Variants in ATP11A observed in about 807,000 individuals in gnomAD.
ATP11A encodes ATPase phospholipid transporting 11A, also known as phospholipid-transporting ATPase IH.
A neutral mutation model predicts 154.4 loss-of-function variants in ATP11A; 81 were observed. The ratio of observed to expected loss-of-function variants is 0.52; its 90% CI spans 0.44 to 0.63. The LOEUF is 0.63. Ranked by LOEUF, ATP11A falls within the 30% of genes least tolerant of loss-of-function variation. ATP11A has a pLI of 0.00. For missense variants in ATP11A, 1,316 were observed against 1,474.3 expected, an observed-to-expected ratio of 0.89 and a Z score of 1.76; for synonymous variants, 623 against 585.9, an observed-to-expected ratio of 1.06 and a Z score of -0.91.
At chr13:112,748,414 G>GGA (rs1230287866) in intron 1 of ATP11A, among the ~76,000 whole-genome samples, 1 of 151,976 alleles carries the variant, frequency 6.6e-6, no homozygotes, top group Non-Finnish European at 1.5e-5. Flanking sequence ...TGTGCAGGCT[G>GGA]GAGAGCAATA....
Position 112,729,260 on chromosome 13 carries a change from C to T in ATP11A, c.39+38805C>T, listed in dbSNP as rs112906212. ...AGCCTGACCTTATGACAGGCCACCT[C>T]GTTAACGATTGGATGTTGTTTTTAT... On this transcript the variant is annotated intron_variant, in intron 1 of 29. Transcript: ENST00000375645. Among the ~76,000 whole-genome samples the T allele has an allele frequency of 4.7e-3, 716 of 152,310 alleles. 4 individuals carry two copies. The highest frequency in any genetic ancestry group is 0.01 in the Middle Eastern group (3 of 294).
chr13:112,772,079 C>G (rs747209763), intron 1 of ATP11A, among the ~76,000 whole-genome samples: 1 of 152,154 alleles, frequency 6.6e-6, no homozygotes, highest in Non-Finnish European at 1.5e-5. Flanking sequence ...TGTGTCCTTA[C>G]CTGGTTGGAT....
At chr13:112,829,741 GGAA>G (rs2079038370) in intron 12 of ATP11A, among the ~76,000 whole-genome samples, 1 of 152,190 alleles carries the variant, frequency 6.6e-6, no homozygotes, top group Non-Finnish European at 1.5e-5. Flanking sequence ...GTATAGGAAA[GGAA>G]GAAGTGAAAT....
intron 1 of ATP11A, among the ~76,000 whole-genome samples, chr13:112,768,438 G>A (rs2077149204): frequency 1.3e-5 from 2 of 152,380 alleles, no homozygotes; most frequent in South Asian, 4.1e-4. Flanking sequence ...CGCATTCACA[G>A]ACTGTCGCCA....
intron 12 of ATP11A, among the ~76,000 whole-genome samples, chr13:112,827,121 TC>T (rs1456478736): frequency 1.1e-4 from 16 of 152,220 alleles, no homozygotes; most frequent in Admixed American, 2.0e-4. Flanking sequence ...CATTGGAGCT[TC>T]CTGGGCAGAA....
At chr13:112,743,790 G>A (rs765067667) in intron 1 of ATP11A, among the ~76,000 whole-genome samples, 5 of 152,370 alleles carry the variant, frequency 3.3e-5, no homozygotes, top group African/African-American at 4.8e-5. Context: ...AGGATTGGTT[G>A]TTTATTTCCT....
At chr13:112,740,617 A>G (rs953859202) in intron 1 of ATP11A, among the ~76,000 whole-genome samples, 1 of 152,220 alleles carries the variant, frequency 6.6e-6, no homozygotes, top group African/African-American at 2.4e-5. Context: ...GGCTCCAGAA[A>G]AAGACCTGCA....
At chr13:112,700,362 CT>C (rs1886372608) in intron 1 of ATP11A, among the ~76,000 whole-genome samples, 1 of 152,162 alleles carries the variant, frequency 6.6e-6, no homozygotes, top group Admixed American at 6.5e-5. Context: ...CAGGCGGGTC[CT>C]GCTCCAGAGA....
intron 12 of ATP11A, 112 bp from the exon 13 acceptor site, chr13:112,831,263 G>C: frequency 8.5e-7 from 1 of 1,178,844 alleles, no homozygotes; most frequent in African/African-American, 1.5e-5. Context: ...GAAATCCACC[G>C]CCTATTCAAG....
At chr13:112,795,684 G>T (rs1163631134) in intron 2 of ATP11A, among the ~76,000 whole-genome samples, 12 of 152,238 alleles carry the variant, frequency 7.9e-5, no homozygotes, top group Admixed American at 6.5e-4. Context: ...ATGCTGGAAA[G>T]TAAGACTGGC....
rs200537725 is a variant in ATP11A, at chr13:112,831,381, T to A, written c.1228T>A (p.Tyr410Asn). The A allele has an allele frequency of 5.6e-6, 9 of 1,613,304 alleles. No individual in the cohort carries two copies. The change falls in exon 13 of 30, where the codon TAC becomes AAC. Residue 410 changes from tyrosine to asparagine, a missense_variant. Around this residue, in one of 5 missense-constraint regions of ATP11A, gnomAD observed 876 missense variants for 1,006.8 expected, o/e 0.87. Coordinates refer to ENST00000375645, the MANE Select transcript of ATP11A (RefSeq NM_015205.3). ...DLNEELGQVE[Y>N]IFTDKTGTLT... ...TGCTGTGCCCTGCCCGCAGGTGGAG[T>A]ACATCTTCACAGACAAGACCGGCAC...
intron 1 of ATP11A, among the ~76,000 whole-genome samples, chr13:112,779,955 A>AAGT (rs2077458598): frequency 6.6e-6 from 1 of 152,128 alleles, no homozygotes; most frequent in African/African-American, 2.4e-5. Context: ...GGTAGTAAAG[A>AAGT]AAATCACTTG....
chr13:112,725,101 G>C (rs1889678952), intron 1 of ATP11A, among the ~76,000 whole-genome samples: 1 of 152,168 alleles, frequency 6.6e-6, no homozygotes, highest in African/African-American at 2.4e-5. Flanking sequence ...ATGCATACCT[G>C]GGGGAAGACT....
intron 18 of ATP11A, among the ~76,000 whole-genome samples, chr13:112,852,625 T>G (rs1002350660): frequency 6.6e-6 from 1 of 151,962 alleles, no homozygotes; most frequent in Non-Finnish European, 1.5e-5. Context: ...CGTAGGATGG[T>G]GTTTGCCTGG....
At chr13:112,880,748 G>A in intron 29 of ATP11A, 1 of 1,167,266 alleles carries the variant, frequency 8.6e-7, no homozygotes. Flanking sequence ...GATAACAAAG[G>A]TTCACGGTGA....
intron 2 of ATP11A, among the ~76,000 whole-genome samples, chr13:112,787,771 T>A (rs1489945153): frequency 6.6e-6 from 1 of 150,620 alleles, no homozygotes; most frequent in Non-Finnish European, 1.5e-5. Flanking sequence ...ACCTACTTAA[T>A]TCACACCGGT....
At chr13:112,788,925 G>A (rs147644971) in intron 2 of ATP11A, among the ~76,000 whole-genome samples, 1 of 151,902 alleles carries the variant, frequency 6.6e-6, no homozygotes, top group African/African-American at 2.4e-5. Context: ...GTCCTGATAT[G>A]TAGATCCCTG....
At chr13:112,797,284 CAAAAAAAAAAAA>C (rs34154413) in intron 2 of ATP11A, among the ~76,000 whole-genome samples, 2 of 36,284 alleles carry the variant, frequency 5.5e-5, no homozygotes, top group South Asian at 1.6e-3. Context: ...AACTCCATCT[CAAAAAAAAAAAA>C]AAAAAAAAAG....
chr13:112,725,514 C>G (rs1009155261), intron 1 of ATP11A, among the ~76,000 whole-genome samples: 1 of 152,226 alleles, frequency 6.6e-6, no homozygotes, highest in Non-Finnish European at 1.5e-5. Context: ...CGTCTGCACG[C>G]GGCTGGCTCT....
Sources: gnomAD v4.1 joint callset for allele counts (sites outside exome capture counted in the v4.1 genomes callset) on GRCh38, gnomAD v4.1.1 for gene constraint, gnomAD v4.1.1 regional missense constraint, MANE v1.5 for transcripts, NCBI Gene and HGNC (gene_info 2026-07-23, HGNC 2026-07-21) for gene names.